Variants in LHFPL6 observed in about 807,000 individuals in gnomAD.
The protein encoded by LHFPL6 is LHFPL tetraspan subfamily member 6 protein.
A neutral mutation model predicts 20.6 loss-of-function variants in LHFPL6; 9 were observed. The observed-to-expected ratio is 0.44, with a 90% CI of 0.26 to 0.76. The LOEUF (loss-of-function observed/expected upper bound fraction) is 0.76. Ranked by LOEUF, LHFPL6 falls within the 30% of genes least tolerant of loss-of-function variation. LHFPL6 has a pLI of 0.20. For missense variants in LHFPL6, 218 were observed against 253.5 expected (o/e 0.86, Z 0.95); for synonymous variants, 105 against 98.7 (o/e 1.06, Z -0.38).
At chr13:39,595,183 T>C (rs1872733508) in intron 2 of LHFPL6, among the ~76,000 whole-genome samples, 1 of 152,150 alleles carries the variant, frequency 6.6e-6, no homozygotes, top group Admixed American at 6.5e-5. Flanking sequence ...AATTTTGTGT[T>C]CTCTATATTA....
chr13:39,464,028 C>G (rs1373524833), intron 2 of LHFPL6, among the ~76,000 whole-genome samples: 1 of 152,154 alleles, frequency 6.6e-6, no homozygotes, highest in Non-Finnish European at 1.5e-5. Flanking sequence ...AGCCATAACT[C>G]ATACATTCTA....
At chr13:39,515,752 G>T (rs1448529948) in intron 2 of LHFPL6, among the ~76,000 whole-genome samples, 1 of 152,118 alleles carries the variant, frequency 6.6e-6, no homozygotes, top group African/African-American at 2.4e-5. Flanking sequence ...TGTGCGTGAT[G>T]ATGAGAGACA....
chr13:39,383,647 G>C (rs995210063), intron 2 of LHFPL6, among the ~76,000 whole-genome samples: 2 of 152,178 alleles, frequency 1.3e-5, no homozygotes, highest in African/African-American at 4.8e-5. Flanking sequence ...TGCTTGTTAA[G>C]AATCAAAATC....
At chr13:39,585,441 C>G (rs1872420987) in intron 2 of LHFPL6, among the ~76,000 whole-genome samples, 1 of 152,194 alleles carries the variant, frequency 6.6e-6, no homozygotes, top group Admixed American at 6.5e-5. Flanking sequence ...TGAGCATTAA[C>G]TCATAGACAA....
At chr13:39,471,997 G>A (rs1593325951) in intron 2 of LHFPL6, among the ~76,000 whole-genome samples, 1 of 152,080 alleles carries the variant, frequency 6.6e-6, no homozygotes, top group African/African-American at 2.4e-5. Context: ...TTTTCTATCT[G>A]TTATCACAGG....
At chr13:39,510,079 C>T in intron 2 of LHFPL6, among the ~76,000 whole-genome samples, 1 of 152,132 alleles carries the variant, frequency 6.6e-6, no homozygotes, top group East Asian at 1.9e-4. Context: ...AGACTGAATC[C>T]CACTCAATTG....
At chr13:39,456,294 C>T (rs1454026976) in intron 2 of LHFPL6, among the ~76,000 whole-genome samples, 3 of 152,200 alleles carry the variant, frequency 2.0e-5, no homozygotes, top group Non-Finnish European at 1.5e-5. Context: ...AAGGATTTGA[C>T]TTTACTCCCA....
At chr13:39,509,559 T>C (rs1869614733) in intron 2 of LHFPL6, among the ~76,000 whole-genome samples, 1 of 152,232 alleles carries the variant, frequency 6.6e-6, no homozygotes. Context: ...CTATTTTATA[T>C]TTCTTTTAAA....
chr13:39,575,203 A>G (rs1446152647), intron 2 of LHFPL6, among the ~76,000 whole-genome samples: 5 of 152,180 alleles, frequency 3.3e-5, no homozygotes, highest in African/African-American at 1.2e-4. Context: ...CCAGAGCTAT[A>G]CTACCTTTCC....
intron 2 of LHFPL6, among the ~76,000 whole-genome samples, chr13:39,396,914 A>G (rs1317369824): frequency 6.6e-6 from 1 of 152,166 alleles, no homozygotes; most frequent in Non-Finnish European, 1.5e-5. Context: ...TAGGGGAACC[A>G]GAAGCTAGGA....
intron 2 of LHFPL6, among the ~76,000 whole-genome samples, chr13:39,551,164 A>G (rs1316703005): frequency 6.6e-6 from 1 of 152,158 alleles, no homozygotes; most frequent in Non-Finnish European, 1.5e-5. Context: ...AGAATGCCAC[A>G]GAGTGGGTAA....
intron 2 of LHFPL6, among the ~76,000 whole-genome samples, chr13:39,571,228 C>T (rs1871903931): frequency 6.6e-6 from 1 of 152,214 alleles, no homozygotes; most frequent in African/African-American, 2.4e-5. Flanking sequence ...CAGTTTAAAG[C>T]CTGAAAGCCA....
intron 2 of LHFPL6, among the ~76,000 whole-genome samples, chr13:39,592,054 C>T (rs1361193292): frequency 6.6e-6 from 1 of 151,842 alleles, no homozygotes; most frequent in East Asian, 1.9e-4. Flanking sequence ...CGAGATCACA[C>T]CATTGCACTC....
At chr13:39,576,537 C>A (rs533911392) in intron 2 of LHFPL6, among the ~76,000 whole-genome samples, 4 of 152,294 alleles carry the variant, frequency 2.6e-5, no homozygotes, top group African/African-American at 9.6e-5. Flanking sequence ...GAATTCAAAT[C>A]TCTGGCTTTT....
At chr13:39,428,885 C>T (rs1871714344) in intron 2 of LHFPL6, among the ~76,000 whole-genome samples, 2 of 152,130 alleles carry the variant, frequency 1.3e-5, no homozygotes, top group South Asian at 4.1e-4. Flanking sequence ...TCATTCCATT[C>T]AAAATACTTT....
chr13:39,406,842 T>C (rs1487962406), intron 2 of LHFPL6, among the ~76,000 whole-genome samples: 1 of 152,242 alleles, frequency 6.6e-6, no homozygotes, highest in African/African-American at 2.4e-5. Flanking sequence ...TTTGTGGTCA[T>C]GCTGACAAGC....
chr13:39,437,129 T>C (rs1254361316), intron 2 of LHFPL6, among the ~76,000 whole-genome samples: 2 of 152,230 alleles, frequency 1.3e-5, no homozygotes, highest in South Asian at 2.1e-4. Flanking sequence ...ATATTATTAG[T>C]ATCGTTGCTA....
intron 2 of LHFPL6, among the ~76,000 whole-genome samples, chr13:39,425,857 T>C (rs1871622047): frequency 6.6e-6 from 1 of 152,210 alleles, no homozygotes; most frequent in African/African-American, 2.4e-5. Flanking sequence ...AGACATGGTT[T>C]CACTATGCTG....
Position 39,421,156 on chromosome 13 carries a change from C to T in LHFPL6, c.386-42630G>A, listed in dbSNP as rs546852855. 6.6e-4 allele frequency among the ~76,000 whole-genome samples: 100 copies of T among 152,128 alleles called. 1 individual carries two copies. Among genetic ancestry groups the T allele is most frequent in the Admixed American group, 2.4e-3 (36 of 15,276 alleles). On this transcript the variant is annotated intron_variant, in intron 2 of 3. Coordinates refer to ENST00000379589, the MANE Select transcript of LHFPL6 (RefSeq NM_005780.3). Reference sequence around the variant, plus strand: ...TGCCCGTTTACTCTCCTGTTATATCCCCTAAAAGAAAGCCTTCCCATCATG... The same window carrying T: ...TGCCCGTTTACTCTCCTGTTATATCTCCTAAAAGAAAGCCTTCCCATCATG...
Sources: gnomAD v4.1 joint callset for allele counts (sites outside exome capture counted in the v4.1 genomes callset) on GRCh38, gnomAD v4.1.1 for gene constraint, MANE v1.5 for transcripts, NCBI Gene and HGNC (gene_info 2026-07-23, HGNC 2026-07-21) for gene names.